Variants in MGAT4C observed in about 807,000 individuals in gnomAD.
MGAT4C encodes the protein MGAT4 family member C.
Under a neutral mutation model 40.1 loss-of-function variants are expected in MGAT4C, and 19 were observed. The observed-to-expected ratio is 0.47, with a 90% CI of 0.33 to 0.70. The LOEUF is 0.70. Among genes scored for constraint, MGAT4C ranks in the 30% least tolerant of loss-of-function variants. MGAT4C has a pLI of 0.02. For synonymous variants in MGAT4C, 181 were observed against 187.1 expected (o/e 0.97, Z 0.27); for missense variants, 491 against 563.2 (o/e 0.87, Z 1.30).
At chr12:86,308,985 T>A (rs1216983379) in intron 4 of MGAT4C, among the ~76,000 whole-genome samples, 2 of 150,586 alleles carry the variant, frequency 1.3e-5, no homozygotes, top group Admixed American at 1.3e-4. Flanking sequence ...GTGTTAATAT[T>A]TAACTTAATA....
intron 2 of MGAT4C, among the ~76,000 whole-genome samples, chr12:86,680,819 G>C (rs890968564): frequency 4.0e-5 from 6 of 151,744 alleles, no homozygotes; most frequent in Admixed American, 2.0e-4. Context: ...ATAAATTTAG[G>C]CTTCTATATT....
At position 86,502,289 on chromosome 12, in the gene MGAT4C, G is replaced by T. The variant is rs553778746; in HGVS notation, c.-228-67024C>A. ...ATGATCCCAACTCTGTGACATTTTG[G>T]AAAGGGCAAAACTATGGAGACGGAA... On this transcript the variant is annotated intron_variant, in intron 2 of 7. Transcript: ENST00000548651. Among the ~76,000 whole-genome samples the T allele has an allele frequency of 2.2e-4, 34 of 152,100 alleles. No homozygotes were observed. The Middle Eastern group carries it at 0.01, about 46-fold the overall frequency.
chr12:86,544,588 A>T (rs1959183627), intron 2 of MGAT4C, among the ~76,000 whole-genome samples: 1 of 152,180 alleles, frequency 6.6e-6, no homozygotes, highest in Non-Finnish European at 1.5e-5. Context: ...CTCAATTAAC[A>T]TGCTTTATCT....
chr12:86,829,415 A>C (rs1566019553), intron 1 of MGAT4C, among the ~76,000 whole-genome samples: 5 of 151,666 alleles, frequency 3.3e-5, no homozygotes. Flanking sequence ...ACTGTAAAAC[A>C]TTTGGAAGAC....
At chr12:86,714,484 G>A (rs908757454) in intron 2 of MGAT4C, among the ~76,000 whole-genome samples, 1 of 152,020 alleles carries the variant, frequency 6.6e-6, no homozygotes, top group African/African-American at 2.4e-5. Flanking sequence ...TGAATCATGA[G>A]GGTGGTTTCC....
intron 2 of MGAT4C, among the ~76,000 whole-genome samples, chr12:86,023,362 T>A (rs1889947296): frequency 6.6e-6 from 1 of 151,742 alleles, no homozygotes; most frequent in Admixed American, 6.6e-5. Context: ...TAGAGATGAA[T>A]TAAGAACCAA....
chr12:86,583,419 A>T (rs935693740), intron 2 of MGAT4C, among the ~76,000 whole-genome samples: 1 of 151,372 alleles, frequency 6.6e-6, no homozygotes, highest in Non-Finnish European at 1.5e-5. Flanking sequence ...AACCTATTTT[A>T]AAGGCAAAAG....
intron 2 of MGAT4C, among the ~76,000 whole-genome samples, chr12:86,550,857 G>A (rs914249006): frequency 2.9e-4 from 44 of 152,148 alleles, no homozygotes; most frequent in African/African-American, 1.0e-3. Context: ...ACATGCCCAC[G>A]CCTGGGGCCT....
intron 2 of MGAT4C, among the ~76,000 whole-genome samples, chr12:86,598,021 A>G (rs537426119): frequency 2.0e-5 from 3 of 152,272 alleles, no homozygotes; most frequent in African/African-American, 7.2e-5. Context: ...TGTCTTATAC[A>G]AGTGTACCAT....
intron 4 of MGAT4C, among the ~76,000 whole-genome samples, chr12:86,324,387 T>C (rs1335974652): frequency 6.6e-6 from 1 of 151,900 alleles, no homozygotes. Context: ...CTTTTAATTC[T>C]TTTTGTGCAT....
At chr12:86,768,167 A>T (rs1017607200) in intron 1 of MGAT4C, among the ~76,000 whole-genome samples, 6 of 152,174 alleles carry the variant, frequency 3.9e-5, no homozygotes, top group Admixed American at 6.6e-5. Context: ...ACTTCAGCAA[A>T]GTCTCAGGAT....
chr12:86,683,273 CATCT>C (rs760364569), intron 2 of MGAT4C, among the ~76,000 whole-genome samples: 50 of 152,020 alleles, frequency 3.3e-4, no homozygotes, highest in East Asian at 1.7e-3. Flanking sequence ...AACTATCTAT[CATCT>C]ATCTATCTAC....
chr12:86,077,338 C>G (rs1279908567), intron 1 of MGAT4C, among the ~76,000 whole-genome samples: 1 of 152,140 alleles, frequency 6.6e-6, no homozygotes, highest in Non-Finnish European at 1.5e-5. Context: ...CACCATTTCC[C>G]AACCCAAATA....
intron 4 of MGAT4C, among the ~76,000 whole-genome samples, chr12:86,311,809 C>T (rs1954083356): frequency 6.6e-6 from 1 of 152,196 alleles, no homozygotes; most frequent in African/African-American, 2.4e-5. Flanking sequence ...CATCTCCCCA[C>T]TTCCCCATCT....
intron 3 of MGAT4C, among the ~76,000 whole-genome samples, chr12:86,346,292 T>A (rs1955031029): frequency 6.6e-6 from 1 of 152,152 alleles, no homozygotes; most frequent in African/African-American, 2.4e-5. Flanking sequence ...TGGCACAATC[T>A]CAGCTCACTG....
At chr12:86,544,438 G>A (rs1049419236) in intron 2 of MGAT4C, among the ~76,000 whole-genome samples, 3 of 151,806 alleles carry the variant, frequency 2.0e-5, no homozygotes, top group African/African-American at 7.3e-5. Context: ...GTAACATTTT[G>A]ATGTTTATTT....
intron 2 of MGAT4C, among the ~76,000 whole-genome samples, chr12:86,538,204 A>G (rs1959106764): frequency 6.6e-6 from 1 of 152,266 alleles, no homozygotes; most frequent in Non-Finnish European, 1.5e-5. Flanking sequence ...CGATATGATT[A>G]GGGAACTGGC....
chr12:86,249,111 G>A (rs1592582092), intron 1 of MGAT4C, among the ~76,000 whole-genome samples: 1 of 152,116 alleles, frequency 6.6e-6, no homozygotes, highest in Non-Finnish European at 1.5e-5. Flanking sequence ...AAGAAGGGGA[G>A]TTCCTTTCCC....
intron 3 of MGAT4C, among the ~76,000 whole-genome samples, chr12:85,985,871 G>A (rs984640955): frequency 6.6e-6 from 1 of 152,030 alleles, no homozygotes; most frequent in African/African-American, 2.4e-5. Context: ...AATAATGCCT[G>A]GAAGAAATTT....
Sources: gnomAD v4.1 joint callset for allele counts (sites outside exome capture counted in the v4.1 genomes callset) on GRCh38, gnomAD v4.1.1 for gene constraint, MANE v1.5 for transcripts, NCBI Gene and HGNC (gene_info 2026-07-23, HGNC 2026-07-21) for gene names.